LHCGR: variants seen among roughly 807,000 people sequenced by gnomAD.
The protein encoded by LHCGR is lutropin-choriogonadotropic hormone receptor.
A neutral mutation model predicts 60.7 loss-of-function variants in LHCGR; 55 were observed. The ratio of observed to expected loss-of-function variants is 0.91; its 90% CI spans 0.73 to 1.13. The LOEUF is 1.13. LHCGR is among the 50% of genes most tolerant of loss of function. LHCGR has a pLI of 0.00. For missense variants in LHCGR, 862 were observed against 836.0 expected (o/e 1.03, Z -0.38); for synonymous variants, 337 against 316.5 (o/e 1.06, Z -0.69).
chr2:48,712,109 T>C (rs1331860422), intron 7 of LHCGR, among the ~76,000 whole-genome samples: 1 of 151,988 alleles, frequency 6.6e-6, no homozygotes, highest in Non-Finnish European at 1.5e-5. Flanking sequence ...TTGCCTAAGT[T>C]ATGCCCAGCT....
rs114600091 is a variant in LHCGR, at chr2:48,749,493, A to G, written c.161+6018T>C. On this transcript the variant is annotated intron_variant, in intron 1 of 10. Coordinates refer to ENST00000294954, the MANE Select transcript of LHCGR (RefSeq NM_000233.4). ...GTGAGCAGCAGGGCTTCTCTTCACCACTGTGACTCAACTGGCTTTAAAACC... is the reference window on the plus strand; with the variant it reads ...GTGAGCAGCAGGGCTTCTCTTCACCGCTGTGACTCAACTGGCTTTAAAACC... Among the ~76,000 whole-genome samples the G allele has an allele frequency of 5.1e-3, 771 of 152,330 alleles. 2 individuals are homozygous for G. The highest frequency in any genetic ancestry group is 0.017 in the African/African-American group (726 of 41,570).
At chr2:48,730,435 A>C (rs1159464962) in intron 2 of LHCGR, among the ~76,000 whole-genome samples, 1 of 152,186 alleles carries the variant, frequency 6.6e-6, no homozygotes, top group Admixed American at 6.5e-5. Context: ...AAATATTCTA[A>C]TTGCTTACTA....
In LHCGR at chr2:48,705,973, A is replaced by T. The variant is rs548661546; in HGVS notation, c.680+2975T>A. Among the ~76,000 whole-genome samples the T allele has an allele frequency of 3.9e-5, 6 of 152,274 alleles. No homozygotes were observed. In the East Asian group the frequency reaches 7.7e-4, roughly 20 times the overall value. On this transcript the variant is annotated intron_variant, in intron 8 of 10. Transcript: ENST00000294954. ...GGTTATTTTGCCTGTTAGTTGATGCAGTTTCTTCATAGCATTGATGGCCTT... is the reference window on the plus strand; with the variant it reads ...GGTTATTTTGCCTGTTAGTTGATGCTGTTTCTTCATAGCATTGATGGCCTT...
At chr2:48,716,667 A>G (rs1040533731) in intron 6 of LHCGR, among the ~76,000 whole-genome samples, 11 of 152,128 alleles carry the variant, frequency 7.2e-5, no homozygotes, top group Non-Finnish European at 1.6e-4. Context: ...TTTCCTTAGA[A>G]GCTCAATTTC....
intron 6 of LHCGR, among the ~76,000 whole-genome samples, chr2:48,722,768 C>T (rs1319530776): frequency 1.3e-5 from 2 of 152,154 alleles, no homozygotes; most frequent in Non-Finnish European, 2.9e-5. Context: ...ATAAATTACC[C>T]AGTCTCAGGT....
chr2:48,703,650 T>A (rs1176430600), intron 8 of LHCGR, among the ~76,000 whole-genome samples: 1 of 152,222 alleles, frequency 6.6e-6, no homozygotes, highest in African/African-American at 2.4e-5. Context: ...TTTGTAGTAA[T>A]TGTGAATGGG....
At chr2:48,742,813 G>A (rs1669523796) in intron 1 of LHCGR, among the ~76,000 whole-genome samples, 1 of 151,844 alleles carries the variant, frequency 6.6e-6, no homozygotes, top group Admixed American at 6.5e-5. Context: ...ACATTCAAAA[G>A]CTAGCAGAAG....
At chr2:48,708,782 A>G in intron 8 of LHCGR, 166 bp downstream of exon 8, 1 of 709,854 alleles carries the variant, frequency 1.4e-6, no homozygotes, top group Non-Finnish European at 2.6e-6. Context: ...GGTTTGGGGT[A>G]CTTTATTATG....
At chr2:48,714,730 T>C (rs1199857052) in intron 6 of LHCGR, among the ~76,000 whole-genome samples, 3 of 150,182 alleles carry the variant, frequency 2.0e-5, no homozygotes, top group African/African-American at 4.9e-5. Flanking sequence ...TTATGGTATA[T>C]ACCTATAAAT....
At chr2:48,735,732 G>C (rs746820045) in intron 1 of LHCGR, among the ~76,000 whole-genome samples, 20 of 152,158 alleles carry the variant, frequency 1.3e-4, no homozygotes, top group Non-Finnish European at 2.5e-4. Context: ...TAGTACTGAC[G>C]CACCAATTTC....
At chr2:48,731,645 T>G (rs1455987617) in intron 1 of LHCGR, among the ~76,000 whole-genome samples, 3 of 152,156 alleles carry the variant, frequency 2.0e-5, no homozygotes, top group Non-Finnish European at 2.9e-5. Flanking sequence ...GCAATAATAA[T>G]TCCTACTTCA....
intron 1 of LHCGR, 52 bp downstream of exon 1, chr2:48,755,459 C>T: frequency 1.7e-6 from 2 of 1,157,600 alleles, no homozygotes; most frequent in Non-Finnish European, 2.5e-6. Context: ...TGGCATAGAG[C>T]GATGGAGGGT....
intron 1 of LHCGR, among the ~76,000 whole-genome samples, chr2:48,732,084 A>G (rs1009296529): frequency 6.6e-6 from 1 of 152,238 alleles, no homozygotes; most frequent in Non-Finnish European, 1.5e-5. Flanking sequence ...TTGAGAAAAG[A>G]GTGACACTCA....
chr2:48,705,154 A>C (rs1215742087), intron 8 of LHCGR, among the ~76,000 whole-genome samples: 1 of 152,220 alleles, frequency 6.6e-6, no homozygotes, highest in Non-Finnish European at 1.5e-5. Context: ...TGTACCCAGT[A>C]GTCATTCAGG....
chr2:48,713,545 C>T (rs1558846179), intron 7 of LHCGR, among the ~76,000 whole-genome samples: 1 of 152,132 alleles, frequency 6.6e-6, no homozygotes, highest in Non-Finnish European at 1.5e-5. Context: ...CTTCCTCCCA[C>T]ACTAGCAGTA....
In LHCGR at chr2:48,705,534, C is replaced by T. The variant is rs764054185; in HGVS notation, c.680+3414G>A. ...TATTGTGTGGGAGTCTAAGTCTCTT[C>T]GTAGTTCTCTAAGAACTGGCTTTAT... On this transcript the variant is annotated intron_variant, in intron 8 of 10. Transcript: ENST00000294954. Among the ~76,000 whole-genome samples, 33 of 152,174 alleles carry T rather than the reference C, an allele frequency of 2.2e-4. No homozygotes were observed. In the Middle Eastern group the frequency reaches 0.01, roughly 47 times the overall value.
chr2:48,710,707 G>C (rs1667941784), intron 7 of LHCGR, among the ~76,000 whole-genome samples: 2 of 152,182 alleles, frequency 1.3e-5, no homozygotes, highest in South Asian at 4.1e-4. Flanking sequence ...AGACCCCTCA[G>C]GTGCCTCAGG....
intron 3 of LHCGR, among the ~76,000 whole-genome samples, chr2:48,726,046 C>T (rs147971622): frequency 1.1e-4 from 16 of 152,198 alleles, no homozygotes; most frequent in African/African-American, 2.2e-4. Flanking sequence ...CAGACAGCAC[C>T]GACATCCAGG....
chr2:48,742,097 G>A (rs1024370058), intron 1 of LHCGR, among the ~76,000 whole-genome samples: 29 of 151,948 alleles, frequency 1.9e-4, no homozygotes, highest in Non-Finnish European at 1.9e-4. Flanking sequence ...GACAAAAAAG[G>A]CCATTACATA....
Sources: allele counts gnomAD v4.1 joint callset (sites outside exome capture counted in the v4.1 genomes callset), GRCh38; gene constraint gnomAD v4.1.1; transcripts MANE v1.5; gene names NCBI Gene and HGNC (gene_info 2026-07-23, HGNC 2026-07-21).